The following CDKN2B-AS1 variants were observed in gnomAD, a reference collection of about 807,000 sequenced individuals.
CDKN2B-AS1 encodes CDKN2B and CDKN2A antisense cis and trans regulatory RNA 1.
At chr9:22,012,203 G>T in intron 1 of CDKN2B-AS1, 2 of 1,403,820 alleles carry the variant, frequency 1.4e-6, no homozygotes, top group South Asian at 2.3e-5. Flanking sequence ...CACCCTTGAG[G>T]TCGAGCCCAG....
chr9:22,032,912 T>C (rs1291811714), intron 1 of CDKN2B-AS1: 1 of 151,884 alleles, frequency 6.6e-6, no homozygotes, highest in Admixed American at 6.6e-5. Context: ...TATTTCCTCA[T>C]GCCCAGTGTT....
At chr9:22,087,959 G>C (rs1824920404) in intron 4 of CDKN2B-AS1, among the ~76,000 whole-genome samples, 1 of 152,190 alleles carries the variant, frequency 6.6e-6, no homozygotes, top group Admixed American at 6.5e-5. Flanking sequence ...CTGTTGAAAG[G>C]AGAGACTAGG....
At chr9:22,067,401 T>C (rs1443772153) in intron 4 of CDKN2B-AS1, among the ~76,000 whole-genome samples, 1 of 152,124 alleles carries the variant, frequency 6.6e-6, no homozygotes, top group Non-Finnish European at 1.5e-5. Context: ...GTCAAATAAA[T>C]GAAGCTTCAT....
rs543932530 is a variant in CDKN2B-AS1 at position 22,101,939 on chromosome 9, A to G, written n.439-25164A>G. The stretch of plus-strand genomic sequence containing the variant: ...TTCGGTCATGAACTGTCTATGGCAC[A>G]TACCTTAAATACTGTTGGAAGGATC... On this transcript the variant is annotated intron_variant and non_coding_transcript_variant, in intron 4 of 4. Coordinates refer to ENST00000650946, the Ensembl canonical transcript of CDKN2B-AS1. Among the ~76,000 whole-genome samples, 12 of 152,284 alleles carry G rather than the reference A, an allele frequency of 7.9e-5. No individual in the cohort carries two copies. In the South Asian group the frequency reaches 8.3e-4, roughly 11 times the overall value.
At chr9:22,016,311 T>C (rs1821756139) in intron 1 of CDKN2B-AS1, among the ~76,000 whole-genome samples, 1 of 152,204 alleles carries the variant, frequency 6.6e-6, no homozygotes, top group African/African-American at 2.4e-5. Context: ...TACAAACAAA[T>C]GGAAGAACAT....
intron 1 of CDKN2B-AS1, among the ~76,000 whole-genome samples, chr9:22,043,198 G>A (rs1413539360): frequency 6.6e-6 from 1 of 151,976 alleles, no homozygotes; most frequent in Non-Finnish European, 1.5e-5. Flanking sequence ...TTCCAATGTT[G>A]TGAAGGATAA....
chr9:22,062,536 A>T (rs1039657488), intron 4 of CDKN2B-AS1, among the ~76,000 whole-genome samples: 2 of 152,162 alleles, frequency 1.3e-5, no homozygotes, highest in Non-Finnish European at 1.5e-5. Context: ...GTGACTTGGC[A>T]GCCCTTAATG....
At chr9:22,047,592 C>A (rs972246419) in intron 2 of CDKN2B-AS1, among the ~76,000 whole-genome samples, 2 of 152,040 alleles carry the variant, frequency 1.3e-5, no homozygotes, top group Non-Finnish European at 2.9e-5. Flanking sequence ...TATTATGATT[C>A]TTATAGCTCA....
chr9:22,102,028 T>C (rs961744694), intron 4 of CDKN2B-AS1, among the ~76,000 whole-genome samples: 10 of 152,182 alleles, frequency 6.6e-5, no homozygotes, highest in African/African-American at 2.2e-4. Flanking sequence ...ACACATTTTG[T>C]TGTGCCCACA....
At chr9:22,126,827 C>T (rs541033320) in intron 4 of CDKN2B-AS1, among the ~76,000 whole-genome samples, 1 of 152,160 alleles carries the variant, frequency 6.6e-6, no homozygotes, top group Non-Finnish European at 1.5e-5. Context: ...CCGCCTCGGC[C>T]TCCCAAAGTG....
At chr9:22,024,873 A>C (rs931516929) in intron 1 of CDKN2B-AS1, among the ~76,000 whole-genome samples, 1 of 152,152 alleles carries the variant, frequency 6.6e-6, no homozygotes, top group Non-Finnish European at 1.5e-5. Flanking sequence ...ACTGGTGCAG[A>C]AGCTATTCTG....
At chr9:22,099,799 A>G (rs1239788954) in intron 4 of CDKN2B-AS1, among the ~76,000 whole-genome samples, 1 of 152,208 alleles carries the variant, frequency 6.6e-6, no homozygotes, top group East Asian at 1.9e-4. Context: ...TTGTGGAAAA[A>G]AGGTGTGCAT....
chr9:22,010,452 G>A (rs1447706788), intron 1 of CDKN2B-AS1, among the ~76,000 whole-genome samples: 1 of 152,202 alleles, frequency 6.6e-6, no homozygotes, highest in African/African-American at 2.4e-5. Flanking sequence ...GAGTGCTGAG[G>A]AAGACAAAGT....
chr9:22,024,872 G>A (rs1241702048), intron 1 of CDKN2B-AS1, among the ~76,000 whole-genome samples: 1 of 152,206 alleles, frequency 6.6e-6, no homozygotes, highest in Non-Finnish European at 1.5e-5. Context: ...CACTGGTGCA[G>A]AAGCTATTCT....
intron 1 of CDKN2B-AS1, among the ~76,000 whole-genome samples, chr9:22,034,678 T>G (rs1384274705): frequency 6.6e-6 from 1 of 151,996 alleles, no homozygotes; most frequent in Non-Finnish European, 1.5e-5. Context: ...GTGTAGAGGT[T>G]GGCAAACTTT....
intron 4 of CDKN2B-AS1, among the ~76,000 whole-genome samples, chr9:22,100,177 G>A (rs1556516): frequency 1.3e-5 from 2 of 151,886 alleles, no homozygotes; most frequent in Non-Finnish European, 2.9e-5. Flanking sequence ...AACTTCCACG[G>A]TATAATTTCA....
chr9:22,044,155 T>C (rs1056286853), intron 1 of CDKN2B-AS1, among the ~76,000 whole-genome samples: 1 of 152,046 alleles, frequency 6.6e-6, no homozygotes, highest in African/African-American at 2.4e-5. Flanking sequence ...CACGACAAGA[T>C]GTTTTAGTAT....
At chr9:22,062,464 C>G (rs77881062) in intron 4 of CDKN2B-AS1, among the ~76,000 whole-genome samples, 150 of 152,284 alleles carry the variant, frequency 9.9e-4, no homozygotes, top group African/African-American at 3.3e-3. Flanking sequence ...ATGTTTTGGG[C>G]TAGCTCTGCT....
At chr9:22,056,245 T>TTC (rs34097944) in intron 3 of CDKN2B-AS1, 13 of 146,204 alleles carry the variant, frequency 8.9e-5, no homozygotes, top group South Asian at 4.4e-4. Context: ...TTTTTTTTTT[T>TTC]TTCCAGTAGA....
Sources: allele counts gnomAD v4.1 joint callset (sites outside exome capture counted in the v4.1 genomes callset), GRCh38; gene constraint gnomAD v4.1.1; transcripts MANE v1.5; gene names NCBI Gene and HGNC (gene_info 2026-07-23, HGNC 2026-07-21).